The following ACSL6 variants were observed in gnomAD, a reference collection of about 807,000 sequenced individuals.
The protein encoded by ACSL6 is long-chain-fatty-acid--CoA ligase 6.
In ACSL6, 47 loss-of-function variants were observed where a neutral mutation model predicts 98.2. That is an observed-to-expected ratio of 0.48 (90% CI 0.38 to 0.61). The LOEUF (loss-of-function observed/expected upper bound fraction) is 0.61. ACSL6 is among the 20% of genes least tolerant of loss of function. ACSL6 has a pLI of 0.00. For synonymous variants in ACSL6, 362 were observed against 336.9 expected (o/e 1.07, Z -0.82); for missense variants, 761 against 913.4 (o/e 0.83, Z 2.15).
chr5:131,972,486 A>T (rs1030152957), intron 13 of ACSL6, among the ~76,000 whole-genome samples: 14 of 152,118 alleles, frequency 9.2e-5, no homozygotes, highest in African/African-American at 3.4e-4. Context: ...GTGGAGATCA[A>T]GGGACCTACT....
rs964658361 is a variant in ACSL6, at chr5:131,990,958, C to T, written c.280G>A (p.Gly94Arg). 1.4e-5 allele frequency: 23 copies of T among 1,613,816 alleles called. No homozygotes were observed. Among genetic ancestry groups the T allele is most frequent in the African/African-American group, 8.0e-5 (6 of 74,888 alleles). ...MQSEEVEDSG[G>R]ARRSVIGSGP... ...GACCCAATCACAGATCGCCGTGCCC[C>T]GCCACTGTCCTACAAGCCAAGCACC... The change falls in exon 3 of 21, where the codon GGG (glycine) becomes AGG (arginine). Residue 94 changes from glycine (G) to arginine (R), a missense_variant. Physicochemically the swap from Gly to Arg is moderately radical, Grantham distance 125 (BLOSUM62 -2). Coordinates refer to ENST00000651883, the MANE Select transcript of ACSL6 (RefSeq NM_001009185.3).
At chr5:132,005,173 A>C (rs951114523) in intron 1 of ACSL6, among the ~76,000 whole-genome samples, 1 of 152,162 alleles carries the variant, frequency 6.6e-6, no homozygotes, top group African/African-American at 2.4e-5. Context: ...AAAAAGAAAA[A>C]AAAATGCGTG....
intron 11 of ACSL6, among the ~76,000 whole-genome samples, chr5:131,974,538 T>G (rs1753507291): frequency 6.6e-6 from 1 of 152,206 alleles, no homozygotes; most frequent in East Asian, 1.9e-4. Context: ...CAGCTGAGTG[T>G]GTCCATGGGT....
At chr5:131,990,745 GA>G (rs1754457668) in intron 3 of ACSL6, 107 bp downstream of exon 3, 11 of 989,632 alleles carry the variant, frequency 1.1e-5, no homozygotes, top group African/African-American at 3.2e-5. Flanking sequence ...TGAACCTGGG[GA>G]TAGCTCACCT....
At chr5:131,990,556 C>G (rs1481716796) in intron 3 of ACSL6, among the ~76,000 whole-genome samples, 2 of 152,182 alleles carry the variant, frequency 1.3e-5, no homozygotes, top group East Asian at 3.9e-4. Flanking sequence ...GGTTCAGAAC[C>G]ATGCCAGCCA....
chr5:132,010,215 C>T (rs1755634044), intron 1 of ACSL6, among the ~76,000 whole-genome samples: 3 of 152,188 alleles, frequency 2.0e-5, no homozygotes, highest in Non-Finnish European at 4.4e-5. Flanking sequence ...TCTCCCAGCT[C>T]AGGGGAAGTG....
At chr5:131,992,141 C>G (rs1580682998) in intron 2 of ACSL6, among the ~76,000 whole-genome samples, 2 of 152,308 alleles carry the variant, frequency 1.3e-5, no homozygotes, top group East Asian at 1.9e-4. Context: ...AGCAACCCTG[C>G]ATAGGCAGCA....
At chr5:131,992,623 C>G (rs1754586048) in intron 2 of ACSL6, among the ~76,000 whole-genome samples, 1 of 152,218 alleles carries the variant, frequency 6.6e-6, no homozygotes, top group Admixed American at 6.5e-5. Context: ...ACCATTCTGA[C>G]ACCATCCAGA....
chr5:131,968,070 C>A (rs112195447), intron 15 of ACSL6, 42 bp from the exon 16 acceptor site: 1 of 1,573,608 alleles, frequency 6.4e-7, no homozygotes, highest in Non-Finnish European at 8.7e-7. Flanking sequence ...GTGTTCAGAT[C>A]TGTTTTAGCA....
chr5:131,960,898 C>T lies in ACSL6; in HGVS notation c.1858-277G>A, dbSNP rs981615017. ...TTCTCATGCCAATCTCAAATCAGCA[C>T]ATCTTCAGGAGGCTGAGCAAACAAC... On this transcript the variant is annotated intron_variant, in intron 18 of 20. Coordinates refer to ENST00000651883, the MANE Select transcript of ACSL6 (RefSeq NM_001009185.3). 1.4e-5 allele frequency: 4 copies of T among 285,238 alleles called. No homozygotes were observed. The South Asian group carries it at 4.1e-4, about 29-fold the overall frequency. 17.7% of individuals were successfully genotyped at this position (285,238 alleles called of 1,614,324 possible).
intron 10 of ACSL6, chr5:131,975,265 A>G (rs1580652671): frequency 4.0e-6 from 5 of 1,244,324 alleles, no homozygotes; most frequent in Middle Eastern, 3.2e-4. Flanking sequence ...AGAAGCAAAG[A>G]GCCAAATGAA....
chr5:131,995,749 C>T (rs1008097367), intron 1 of ACSL6, among the ~76,000 whole-genome samples: 5 of 152,218 alleles, frequency 3.3e-5, no homozygotes, highest in African/African-American at 1.2e-4. Context: ...AAAAGCCCTT[C>T]AGTTGTAATT....
At chr5:131,978,713 G>T (rs1217873510) in intron 9 of ACSL6, among the ~76,000 whole-genome samples, 1 of 152,184 alleles carries the variant, frequency 6.6e-6, no homozygotes, top group Non-Finnish European at 1.5e-5. Flanking sequence ...TTGCCCAGGA[G>T]CAGAAAAAGA....
At chr5:131,975,167 A>G in intron 10 of ACSL6, 197 bp from the exon 11 acceptor site, 2 of 1,334,718 alleles carry the variant, frequency 1.5e-6, no homozygotes, top group Non-Finnish European at 1.9e-6. Context: ...AGAGAGAGGG[A>G]GGGGGAAGGT....
chr5:132,011,902 C>T (rs997168533), upstream of ACSL6: 38 of 1,554,834 alleles, frequency 2.4e-5, no homozygotes, highest in Non-Finnish European at 3.3e-5. The surrounding 1 kb of genome is among the most constrained non-coding windows in gnomAD (Gnocchi z 5.4). Flanking sequence ...CCCCGCTCTC[C>T]AACGTCAGTA....
At chr5:131,990,741 T>G (rs1400487436) in intron 3 of ACSL6, 112 bp downstream of exon 3, 3 of 948,704 alleles carry the variant, frequency 3.2e-6, no homozygotes, top group Non-Finnish European at 4.9e-6. Flanking sequence ...CCACTGAACC[T>G]GGGGATAGCT....
chr5:131,950,125 G>C lies in ACSL6; in HGVS notation c.*4109C>G, dbSNP rs376969786. ...TAAAAAGTAATATTTTAATCCCCTC[G>C]ATTTTTAAAAATTGAAAGTGGAATA... On this transcript the variant is annotated 3_prime_UTR_variant, in exon 21 of 21. Transcript: ENST00000651883. 5.4e-6 allele frequency: 1 copy of C among 186,706 alleles called. No homozygotes were observed. Among genetic ancestry groups the C allele is most frequent in the African/African-American group, 2.3e-5 (1 of 42,656 alleles). The allele number at this position is 186,706 out of a possible 1,614,324, so 11.6% of individuals were successfully genotyped here.
At chr5:131,974,749 G>A in intron 11 of ACSL6, 144 bp downstream of exon 11, 4 of 1,604,250 alleles carry the variant, frequency 2.5e-6, no homozygotes, top group South Asian at 1.1e-5. Context: ...CCTGATGCCA[G>A]GGCCTTACCT....
chr5:131,973,360 T>G lies in ACSL6; in HGVS notation c.1109A>C (p.Gln370Pro). 3 of 1,614,208 alleles carry G rather than the reference T, an allele frequency of 1.9e-6. No individual in the cohort carries two copies. The highest frequency in any genetic ancestry group is 2.5e-6 in the Non-Finnish European group (3 of 1,180,032). ...YCHGGRVGFF[Q>P]GDIRLLSDDM... ...ATCTGAGAGAAGGCGGATATCTCCC[T>G]GGAAGAAGCCAACACGCCCTCCGTG... Residue 370 changes from glutamine (Q) to proline (P), a missense_variant, in exon 12 of 21, where the codon CAG becomes CCG. Coordinates refer to ENST00000651883, the MANE Select transcript of ACSL6 (RefSeq NM_001009185.3).
Sources: allele counts gnomAD v4.1 joint callset (sites outside exome capture counted in the v4.1 genomes callset), GRCh38; gene constraint gnomAD v4.1.1; non-coding constraint Gnocchi (gnomAD v3.1); transcripts MANE v1.5; gene names NCBI Gene and HGNC (gene_info 2026-07-23, HGNC 2026-07-21).